IKZF2: variants seen among roughly 807,000 people sequenced by gnomAD.
IKZF2 encodes zinc finger protein Helios.
In IKZF2, 15 loss-of-function variants were observed where a neutral mutation model predicts 49.2. The observed-to-expected ratio is 0.30, with a 90% confidence interval of 0.20 to 0.47. IKZF2 has a LOEUF of 0.47. Ranked by LOEUF, IKZF2 falls within the 20% of genes least tolerant of loss-of-function variation. The pLI, the probability that IKZF2 is intolerant of heterozygous loss-of-function variation, is 1.00. For missense variants in IKZF2, 567 were observed against 664.6 expected, an observed-to-expected ratio of 0.85 and a Z score of 1.61; for synonymous variants, 227 against 221.4, an observed-to-expected ratio of 1.03 and a Z score of -0.23.
chr2:213,064,122 CCTCT>C (rs1360094276), intron 4 of IKZF2, among the ~76,000 whole-genome samples: 5 of 152,042 alleles, frequency 3.3e-5, no homozygotes, highest in East Asian at 1.9e-4. Context: ...TTTTCCTCCT[CCTCT>C]CTATTTTTTT....
At chr2:213,035,913 C>A (rs944595405) in intron 6 of IKZF2, among the ~76,000 whole-genome samples, 6 of 152,072 alleles carry the variant, frequency 3.9e-5, no homozygotes, top group African/African-American at 1.4e-4. Flanking sequence ...AGCAGAGACC[C>A]TAGATTCAGA....
chr2:213,018,380 T>C (rs1263608604), intron 7 of IKZF2, among the ~76,000 whole-genome samples: 2 of 152,130 alleles, frequency 1.3e-5, no homozygotes, highest in African/African-American at 4.8e-5. Context: ...ATTCCTCCTT[T>C]TTCCTCAAAC....
Position 213,067,054 on chromosome 2 carries a change from T to C in IKZF2, c.140-9955A>G, listed in dbSNP as rs577170057. ...AGCAAGGGCTCTAGGTCCAGCACCC[T>C]GGAGTTTAAGGCCAGGTTCGTTCAT... On this transcript the variant is annotated intron_variant, in intron 4 of 8. Coordinates refer to ENST00000434687, the MANE Select transcript of IKZF2 (RefSeq NM_001387220.1). 3.3e-5 allele frequency among the ~76,000 whole-genome samples: 5 copies of C among 152,206 alleles called. No individual in the cohort carries two copies. The South Asian group carries it at 1.0e-3, about 32-fold the overall frequency.
intron 4 of IKZF2, among the ~76,000 whole-genome samples, chr2:213,067,533 T>C (rs1271959109): frequency 6.6e-6 from 1 of 152,026 alleles, no homozygotes; most frequent in East Asian, 1.9e-4. Context: ...CCACAGAGCA[T>C]TTAAAATTGA....
chr2:213,025,156 T>C (rs1327667373), intron 6 of IKZF2, among the ~76,000 whole-genome samples: 3 of 152,092 alleles, frequency 2.0e-5, no homozygotes, highest in Middle Eastern at 3.2e-3. Context: ...GGGTCTCCTG[T>C]TTTAGCGTCT....
intron 4 of IKZF2, among the ~76,000 whole-genome samples, chr2:213,127,060 G>C (rs920524): frequency 0.27 from 40,427 of 152,154 alleles, 6,701 homozygotes; most frequent in Non-Finnish European, 0.37. Flanking sequence ...ATGGTGAGCA[G>C]CTACTTACAT....
chr2:213,094,555 CTG>C (rs1320064532), intron 4 of IKZF2, among the ~76,000 whole-genome samples: 1 of 152,050 alleles, frequency 6.6e-6, no homozygotes, highest in Non-Finnish European at 1.5e-5. Flanking sequence ...CACACTGAGG[CTG>C]AGATGCGCAG....
At position 213,007,293 on chromosome 2, in the gene IKZF2, T is replaced by A; in HGVS notation, c.*67A>T. ...GTCAACATTTGAGGAAAGGTGGGATTGTAAGTGCAGTATTTCTTCATGTGC... is the reference window on the plus strand; with the variant it reads ...GTCAACATTTGAGGAAAGGTGGGATAGTAAGTGCAGTATTTCTTCATGTGC... On this transcript the variant is annotated 3_prime_UTR_variant, in exon 9 of 9. Coordinates refer to ENST00000434687, the MANE Select transcript of IKZF2 (RefSeq NM_001387220.1). 6.7e-7 allele frequency: 1 copy of A among 1,486,526 alleles called. No individual in the cohort carries two copies. The highest frequency in any genetic ancestry group is 2.3e-5 in the East Asian group (1 of 43,828). The allele number at this position is 1,486,526 out of a possible 1,614,324, so 92.1% of individuals were successfully genotyped here.
At chr2:213,097,628 C>CT (rs1292729174) in intron 4 of IKZF2, among the ~76,000 whole-genome samples, 1 of 148,264 alleles carries the variant, frequency 6.7e-6, no homozygotes, top group Non-Finnish European at 1.5e-5. Flanking sequence ...ATTAATAACT[C>CT]TTTAAGAACT....
At chr2:213,108,687 T>C (rs1369606671) in intron 4 of IKZF2, among the ~76,000 whole-genome samples, 2 of 152,116 alleles carry the variant, frequency 1.3e-5, no homozygotes, top group Admixed American at 1.3e-4. Flanking sequence ...TAAAAGAAGG[T>C]ACATATATTT....
chr2:213,037,703 A>G (rs1699171380), intron 6 of IKZF2, among the ~76,000 whole-genome samples: 1 of 152,226 alleles, frequency 6.6e-6, no homozygotes, highest in Non-Finnish European at 1.5e-5. Flanking sequence ...TTGATGGATG[A>G]AATCAGCACA....
At position 213,013,900 on chromosome 2, in the gene IKZF2, A is replaced by C. The variant is rs1204342142; in HGVS notation, c.747T>G (p.Pro249=). Residue 249 remains proline (P), a synonymous_variant, in exon 8 of 9, where the codon CCT becomes CCG. Coordinates refer to ENST00000434687, the MANE Select transcript of IKZF2 (RefSeq NM_001387220.1). ...PPMEDCKEQE[P]IMDNNISLVP... is the part of the protein sequence containing the mutation. ...CCAGAGAAATATTGTTGTCCATAAT[A>C]GGCTCTTGTTCCTTACAATCTTCCA... 37 of 1,611,676 alleles carry C rather than the reference A, an allele frequency of 2.3e-5. No homozygotes were observed. Among genetic ancestry groups the C allele is most frequent in the Non-Finnish European group, 3.0e-5 (35 of 1,178,284 alleles).
At chr2:213,074,130 A>C (rs1246135275) in intron 4 of IKZF2, among the ~76,000 whole-genome samples, 6 of 152,224 alleles carry the variant, frequency 3.9e-5, no homozygotes, top group African/African-American at 1.4e-4. Flanking sequence ...GAGTAGCAGT[A>C]TTTTGCCCTT....
chr2:213,035,305 T>A lies in IKZF2; in HGVS notation c.575-13175A>T, dbSNP rs1438080336. Reference sequence around the variant, plus strand: ...TCTTCTAACATATTATATGATTTTTTAACTGATTCTTGCCCGTCTCCCCTT... The same window carrying A: ...TCTTCTAACATATTATATGATTTTTAAACTGATTCTTGCCCGTCTCCCCTT... On this transcript the variant is annotated intron_variant, in intron 6 of 8. Transcript: ENST00000434687. Among the ~76,000 whole-genome samples, 19 of 152,170 alleles carry A rather than the reference T, an allele frequency of 1.2e-4. 1 individual carries two copies. The highest frequency in any genetic ancestry group is 1.5e-5 in the Non-Finnish European group (1 of 68,020).
intron 4 of IKZF2, among the ~76,000 whole-genome samples, chr2:213,079,025 C>T (rs1306822444): frequency 6.6e-6 from 1 of 152,082 alleles, no homozygotes; most frequent in South Asian, 2.1e-4. Context: ...TTTGTTGTTG[C>T]TGCTATTGTT....
At chr2:213,144,203 T>C (rs1049589724) in intron 4 of IKZF2, among the ~76,000 whole-genome samples, 1 of 151,958 alleles carries the variant, frequency 6.6e-6, no homozygotes, top group Non-Finnish European at 1.5e-5. Flanking sequence ...CTTCTTCCGA[T>C]TCCATACATG....
rs531232258 is a variant in IKZF2, at chr2:213,025,401, A to G, written c.575-3271T>C. Among the ~76,000 whole-genome samples the G allele has an allele frequency of 2.5e-4, 38 of 152,188 alleles. No homozygotes were observed. The South Asian group carries it at 5.0e-3, about 20-fold the overall frequency. On this transcript the variant is annotated intron_variant, in intron 6 of 8. Coordinates refer to ENST00000434687, the MANE Select transcript of IKZF2 (RefSeq NM_001387220.1). ...TGTCTGAGTGAATCCCTTCCCTACAACCAAAACGAAGAGCATCAGGACATA... is the reference window on the plus strand; with the variant it reads ...TGTCTGAGTGAATCCCTTCCCTACAGCCAAAACGAAGAGCATCAGGACATA...
intron 4 of IKZF2, among the ~76,000 whole-genome samples, chr2:213,140,000 T>A (rs1310526878): frequency 1.3e-5 from 2 of 151,964 alleles, no homozygotes; most frequent in Non-Finnish European, 2.9e-5. Context: ...ACCATCCTTC[T>A]CTAGAAAACA....
chr2:213,037,352 G>C (rs931594149), intron 6 of IKZF2, among the ~76,000 whole-genome samples: 1 of 152,230 alleles, frequency 6.6e-6, no homozygotes, highest in Non-Finnish European at 1.5e-5. Flanking sequence ...TCTAGAAATA[G>C]GGTCTGAAAG....
Sources: gnomAD v4.1 joint callset for allele counts (sites outside exome capture counted in the v4.1 genomes callset) on GRCh38, gnomAD v4.1.1 for gene constraint, MANE v1.5 for transcripts, NCBI Gene and HGNC (gene_info 2026-07-23, HGNC 2026-07-21) for gene names.